Variants in CFAP43 observed in about 807,000 individuals in gnomAD.
CFAP43 encodes cilia- and flagella-associated protein 43.
CFAP43 carries 155 observed loss-of-function variants against 218.9 expected under a neutral mutation model. The observed-to-expected ratio is 0.71, with a 90% confidence interval of 0.62 to 0.81. The LOEUF is 0.81. Ranked by LOEUF, CFAP43 falls within the 30% of genes least tolerant of loss-of-function variation. CFAP43 has a pLI of 0.00. For synonymous variants in CFAP43, 645 were observed against 681.3 expected (o/e 0.95, Z 0.83); for missense variants, 1,778 against 1,954.3 (o/e 0.91, Z 1.70).
At chr10:104,191,959 T>C (rs1044625818) in intron 12 of CFAP43, among the ~76,000 whole-genome samples, 11 of 152,142 alleles carry the variant, frequency 7.2e-5, no homozygotes, top group Admixed American at 4.6e-4. Context: ...TATTTAATAA[T>C]TGATTCAAGA....
intron 34 of CFAP43, among the ~76,000 whole-genome samples, chr10:104,134,657 C>A (rs1461195856): frequency 6.6e-6 from 1 of 151,960 alleles, no homozygotes; most frequent in Non-Finnish European, 1.5e-5. Context: ...CCTAGAAACA[C>A]ACAAACTATA....
chr10:104,178,048 G>A (rs2089692217), intron 19 of CFAP43, among the ~76,000 whole-genome samples: 1 of 152,174 alleles, frequency 6.6e-6, no homozygotes, highest in African/African-American at 2.4e-5. Flanking sequence ...TATAAAGGAT[G>A]TTCCCAAGCA....
In CFAP43 at chr10:104,172,457, C is replaced by G. The variant is rs1370760856; in HGVS notation, c.2539G>C (p.Glu847Gln). 6.2e-7 allele frequency: 1 copy of G among 1,609,188 alleles called. No individual in the cohort carries two copies. Residue 847 changes from glutamate (E) to glutamine (Q), a missense_variant, in exon 20 of 38, where the codon GAG becomes CAG. By Grantham distance (29) the Glu-to-Gln change is conservative (BLOSUM62 2). Transcript: ENST00000357060. ...TCATCATGAAGCCTTTCTAGTTCCT[C>G]AAGATCCAGACCAAATTCCTGTTGG... ...LDQQEFGLDL[E>Q]ELERLHDESQ...
In CFAP43 at chr10:104,154,466, C is replaced by A. The variant is rs370946214; in HGVS notation, c.3541-1740G>T. On this transcript the variant is annotated intron_variant, in intron 27 of 37. Coordinates refer to ENST00000357060, the MANE Select transcript of CFAP43 (RefSeq NM_025145.7). ...ATAAAACAAACAAATATGAAAAAAA[C>A]ACATCTCAGGGTCATTTGCTTGTAA... 4.6e-5 allele frequency among the ~76,000 whole-genome samples: 7 copies of A among 152,232 alleles called. No individual in the cohort carries two copies. The East Asian group carries it at 1.2e-3, about 25-fold the overall frequency.
At chr10:104,211,086 T>A (rs1201350191) in intron 5 of CFAP43, among the ~76,000 whole-genome samples, 8 of 152,042 alleles carry the variant, frequency 5.3e-5, no homozygotes. Flanking sequence ...GTAACATGAG[T>A]AATGCCTCCT....
chr10:104,217,262 T>C (rs556913994), intron 3 of CFAP43, among the ~76,000 whole-genome samples: 178 of 152,346 alleles, frequency 1.2e-3, no homozygotes, highest in African/African-American at 4.1e-3. Context: ...GCCGAGCCAG[T>C]CAATGAATGT....
At chr10:104,198,081 T>G (rs1181165967) in intron 8 of CFAP43, 43 bp from the exon 9 acceptor site, 2 of 1,182,880 alleles carry the variant, frequency 1.7e-6, no homozygotes, top group African/African-American at 3.1e-5. Flanking sequence ...GTAATTGTTG[T>G]GTATATAGTT....
chr10:104,231,964 G>T (rs1461133008), intron 1 of CFAP43, among the ~76,000 whole-genome samples: 1 of 151,534 alleles, frequency 6.6e-6, no homozygotes, highest in Admixed American at 6.6e-5. Context: ...GAGTGGGAAA[G>T]ACAACTGGGG....
At chr10:104,175,619 C>G (rs923834820) in intron 19 of CFAP43, among the ~76,000 whole-genome samples, 5 of 152,146 alleles carry the variant, frequency 3.3e-5, no homozygotes, top group African/African-American at 9.7e-5. Context: ...TCAGAATATT[C>G]ATTGTTTACC....
chr10:104,193,865 C>T lies in CFAP43; in HGVS notation c.1442+1G>A, dbSNP rs767058543. 21 of 1,613,616 alleles carry T rather than the reference C, an allele frequency of 1.3e-5. No individual in the cohort carries two copies. Among genetic ancestry groups the T allele is most frequent in the Admixed American group, 3.3e-5 (2 of 59,964 alleles). Reference sequence around the variant, plus strand: ...CGCTCCTGGAGGCAGAAAGGACTTACACGACGTGCTGCACGGACGATTCCG... The same window carrying T: ...CGCTCCTGGAGGCAGAAAGGACTTATACGACGTGCTGCACGGACGATTCCG... On this transcript the variant is annotated splice_donor_variant, in intron 11 of 37. Coordinates refer to ENST00000357060, the MANE Select transcript of CFAP43 (RefSeq NM_025145.7). LOFTEE classifies it high-confidence loss of function.
At position 104,166,561 on chromosome 10, in the gene CFAP43, TC is replaced by T. The variant is rs759485453; in HGVS notation, c.2965del (p.Asp989IlefsTer24). ...CAATTGGCTTGACAATAAAGAGGTA[TC>T]TACCCCAAAATCAGTACTCAGACTA... Reference protein sequence around the residue: ...LGSLSTDFGVDTSLLSSQLEL... With the variant: ...LGSLSTDFGVXTSLLSSQLEL... On this transcript the variant is annotated frameshift_variant, in exon 23 of 38. Coordinates refer to ENST00000357060, the MANE Select transcript of CFAP43 (RefSeq NM_025145.7). LOFTEE classifies it high-confidence loss of function. The T allele has an allele frequency of 6.2e-7, 1 of 1,614,044 alleles. No individual in the cohort carries two copies. Among genetic ancestry groups the T allele is most frequent in the African/African-American group, 1.3e-5 (1 of 74,926 alleles).
intron 19 of CFAP43, 126 bp from the exon 20 acceptor site, chr10:104,172,661 T>C: frequency 5.0e-6 from 4 of 802,662 alleles, no homozygotes; most frequent in Non-Finnish European, 7.3e-6. Context: ...AATGTACTAC[T>C]AAGTAAATAA....
intron 19 of CFAP43, among the ~76,000 whole-genome samples, chr10:104,175,288 G>GGT (rs2089585887): frequency 6.6e-6 from 1 of 152,074 alleles, no homozygotes; most frequent in African/African-American, 2.4e-5. Flanking sequence ...ACTTGGGCGT[G>GGT]GTGGTGCATG....
chr10:104,226,847 C>T lies in CFAP43; in HGVS notation c.320-1290G>A, dbSNP rs924724056. ...CAGCCTGGCCAACATGGTAAAACCTCGTCTCTACTAAAAATCAAAAATTAG... is the reference window on the plus strand; with the variant it reads ...CAGCCTGGCCAACATGGTAAAACCTTGTCTCTACTAAAAATCAAAAATTAG... On this transcript the variant is annotated intron_variant, in intron 2 of 37. Transcript: ENST00000357060. 5.3e-5 allele frequency among the ~76,000 whole-genome samples: 8 copies of T among 152,026 alleles called. No individual in the cohort carries two copies. In the South Asian group the frequency reaches 1.2e-3, roughly 24 times the overall value.
intron 13 of CFAP43, among the ~76,000 whole-genome samples, chr10:104,188,022 C>A (rs1444207165): frequency 6.6e-6 from 1 of 152,140 alleles, no homozygotes; most frequent in Non-Finnish European, 1.5e-5. Flanking sequence ...AATAACAAAT[C>A]AATTTGATGT....
Position 104,232,209 on chromosome 10 carries a change from G to T in CFAP43, c.38C>A (p.Ser13Tyr). The T allele has an allele frequency of 1.2e-6, 2 of 1,609,838 alleles. No homozygotes were observed. Among genetic ancestry groups the T allele is most frequent in the Non-Finnish European group, 1.7e-6 (2 of 1,178,750 alleles). Residue 13 changes from serine (S) to tyrosine (Y), a missense_variant, in exon 1 of 38, where the codon TCC (serine) becomes TAC (tyrosine). Around this residue, in one of 3 missense-constraint regions of CFAP43, gnomAD observed 1,553 missense variants for 1,685.2 expected, o/e 0.92. Transcript: ENST00000357060. The stretch of plus-strand genomic sequence containing the variant: ...CACGGACAAGGACGCGCCGCCGGCG[G>T]AGTGGGGGCCTTCGTCGCGCTCCCG... ...QGRERDEGPHSAGGASLSVRW... is the reference protein window; with the variant it reads ...QGRERDEGPHYAGGASLSVRW...
intron 5 of CFAP43, among the ~76,000 whole-genome samples, chr10:104,208,880 T>C (rs941172194): frequency 1.3e-5 from 2 of 152,206 alleles, no homozygotes; most frequent in African/African-American, 4.8e-5. Context: ...AGATAACATC[T>C]GCCTTTGATT....
chr10:104,166,981 A>G (rs1436750576), intron 22 of CFAP43, among the ~76,000 whole-genome samples: 2 of 152,228 alleles, frequency 1.3e-5, no homozygotes, highest in Non-Finnish European at 2.9e-5. Flanking sequence ...TCAGTATGAC[A>G]TCTGCTTGTA....
chr10:104,134,548 A>T (rs559938418), intron 34 of CFAP43, among the ~76,000 whole-genome samples: 1 of 152,340 alleles, frequency 6.6e-6, no homozygotes, highest in East Asian at 1.9e-4. Context: ...TGAAATCAAG[A>T]ATATTACTAC....
Sources: gnomAD v4.1 joint callset for allele counts (sites outside exome capture counted in the v4.1 genomes callset) on GRCh38, gnomAD v4.1.1 for gene constraint, gnomAD v4.1.1 regional missense constraint, MANE v1.5 for transcripts, NCBI Gene and HGNC (gene_info 2026-07-23, HGNC 2026-07-21) for gene names.